Variants in HYDIN observed in about 807,000 individuals in gnomAD.
The protein encoded by HYDIN is axonemal central pair apparatus protein HYDIN.
HYDIN carries 132 observed loss-of-function variants against 403.9 expected under a neutral mutation model. The observed-to-expected ratio is 0.33, with a 90% CI of 0.28 to 0.38. The LOEUF (loss-of-function observed/expected upper bound fraction) is 0.38. Ranked by LOEUF, HYDIN falls within the 10% of genes least tolerant of loss-of-function variation. The pLI, the probability that HYDIN is intolerant of heterozygous loss-of-function variation, is 1.00. For missense variants in HYDIN, 2,827 were observed against 5,009.5 expected (o/e 0.56, Z 13.15); for synonymous variants, 1,202 against 1,891.7 (o/e 0.64, Z 9.46).
chr16:70,902,794 A>AATATATATATATATATAT (rs1264288990), intron 52 of HYDIN, among the ~76,000 whole-genome samples: 5 of 61,138 alleles, frequency 8.2e-5, no homozygotes, highest in African/African-American at 2.1e-4. Flanking sequence ...CTACTCTTTA[A>AATATATATATATATATAT]ATATATATAT....
At chr16:70,821,294 T>C (rs59279247) in intron 83 of HYDIN, among the ~76,000 whole-genome samples, 34 of 152,310 alleles carry the variant, frequency 2.2e-4, no homozygotes, top group African/African-American at 7.9e-4. Context: ...AGCCCCTCTT[T>C]TCTTCTTGCA....
chr16:70,834,021 G>C lies in HYDIN; in HGVS notation c.13545C>G (p.Leu4515=). ...FMECMGLLRP[L]FLLSGCCQAL... is the part of the protein sequence containing the mutation. ...CCTGGCAGCAGCCGCTAAGGAGGAA[G>C]AGGGGGCGCAGGAGCCCCATGCATT... Residue 4515 remains leucine, a synonymous_variant, in exon 79 of 86, where the codon CTC becomes CTG. Transcript: ENST00000393567. 1 of 1,605,558 alleles carries C rather than the reference G, an allele frequency of 6.2e-7. No homozygotes were observed. Among genetic ancestry groups the C allele is most frequent in the African/African-American group, 1.3e-5 (1 of 74,438 alleles).
At position 70,882,578 on chromosome 16, in the gene HYDIN, C is replaced by G. The variant is rs534045836; in HGVS notation, c.10215+82G>C. ...GATAATTTCCACTCACGCATACAGGCTCCAGAGCAGAGGATGCTGAGAGCC... is the reference window on the plus strand; with the variant it reads ...GATAATTTCCACTCACGCATACAGGGTCCAGAGCAGAGGATGCTGAGAGCC... On this transcript the variant is annotated intron_variant, in intron 60 of 85. Transcript: ENST00000393567. 1,488 of 720,948 alleles carry G rather than the reference C, an allele frequency of 2.1e-3. 4 individuals carry two copies. Among genetic ancestry groups the G allele is most frequent in the Non-Finnish European group, 3.0e-3 (1,215 of 404,802 alleles). 44.7% of individuals were successfully genotyped at this position (720,948 alleles called of 1,614,324 possible).
intron 1 of HYDIN, among the ~76,000 whole-genome samples, chr16:71,223,679 G>A (rs1412454214): frequency 1.3e-5 from 2 of 149,422 alleles, no homozygotes; most frequent in African/African-American, 4.9e-5. Context: ...AAAACATGAA[G>A]AGACATTTCT....
intron 18 of HYDIN, among the ~76,000 whole-genome samples, chr16:71,033,595 C>A (rs1384626043): frequency 1.3e-5 from 2 of 149,240 alleles, no homozygotes; most frequent in Non-Finnish European, 3.0e-5. Flanking sequence ...CACATGGACA[C>A]AGGGAGGGGA....
Position 71,230,663 on chromosome 16 carries a change from G to T in HYDIN, c.-125C>A. The T allele has an allele frequency of 3.9e-6, 6 of 1,536,074 alleles. No individual in the cohort carries two copies. Among genetic ancestry groups the T allele is most frequent in the Non-Finnish European group, 4.4e-6 (5 of 1,146,888 alleles). On this transcript the variant is annotated 5_prime_UTR_variant, in exon 1 of 86. In the 5' UTR this introduces an upstream ATG that the reference lacks. Transcript: ENST00000393567. The stretch of plus-strand genomic sequence containing the variant: ...CCGCCGCTGAGGGGCTCCATACCCA[G>T]CTTGAAGCCGCCCGCACTCTCCATG...
Position 71,031,697 on chromosome 16 carries a change from T to C in HYDIN, c.2750A>G (p.Asn917Ser), listed in dbSNP as rs779147589. The change falls in exon 19 of 86, where the codon AAT becomes AGT. Residue 917 changes from asparagine (N) to serine (S), a missense_variant. Asn to Ser is a conservative substitution (Grantham distance 46, BLOSUM62 1). Coordinates refer to ENST00000393567, the MANE Select transcript of HYDIN (RefSeq NM_001270974.2). ...VSDKPFAPEL[N>S]LGAHFSLDTH... ...TCCTTACCTAAAATGTGCCCCCAAA[T>C]TGAGTTCTGGAGCAAAGGGCTTATC... 4.4e-6 allele frequency: 7 copies of C among 1,591,928 alleles called. 1 individual carries two copies. The highest frequency in any genetic ancestry group is 3.4e-4 in the Middle Eastern group (2 of 5,826).
intron 5 of HYDIN, among the ~76,000 whole-genome samples, chr16:71,169,339 G>A (rs779547536): frequency 3.9e-5 from 6 of 152,090 alleles, no homozygotes; most frequent in Non-Finnish European, 5.9e-5. Flanking sequence ...AGGCTGAGGT[G>A]GGAGGATTGT....
At position 70,902,883 on chromosome 16, in the gene HYDIN, T is replaced by A. The variant is rs1330788920; in HGVS notation, c.8849+742A>T. ...CCTTCTGGGATTCCAATCACAAATA[T>A]GTTAGTTAGACTGCTTGATGTTGTC... On this transcript the variant is annotated intron_variant, in intron 52 of 85. Coordinates refer to ENST00000393567, the MANE Select transcript of HYDIN (RefSeq NM_001270974.2). Among the ~76,000 whole-genome samples the A allele has an allele frequency of 1.9e-4, 27 of 143,820 alleles. 1 individual carries two copies. In the Admixed American group the frequency reaches 1.9e-3, roughly 10 times the overall value. 94.4% of individuals were successfully genotyped at this position (143,820 alleles called of 152,430 possible).
rs970230278 is a variant in HYDIN at position 71,226,798 on chromosome 16, G to A, written c.-24+3764C>T. On this transcript the variant is annotated intron_variant, in intron 1 of 85. Coordinates refer to ENST00000393567, the MANE Select transcript of HYDIN (RefSeq NM_001270974.2). ...AGGAACTGAAACTCACCAGATCACCGCATCCAGACAGTGAGAGACCAGATT... is the reference window on the plus strand; with the variant it reads ...AGGAACTGAAACTCACCAGATCACCACATCCAGACAGTGAGAGACCAGATT... 2.4e-4 allele frequency among the ~76,000 whole-genome samples: 36 copies of A among 152,202 alleles called. 1 individual carries two copies. Among genetic ancestry groups the A allele is most frequent in the Non-Finnish European group, 4.0e-4 (27 of 68,000 alleles).
At chr16:70,823,434 C>G (rs1277642375) in intron 83 of HYDIN, among the ~76,000 whole-genome samples, 2 of 64,610 alleles carry the variant, frequency 3.1e-5, no homozygotes, top group African/African-American at 1.3e-4. Context: ...CCCTGTAGAA[C>G]TTGCAGGTGC....
At chr16:70,984,758 A>G (rs1362504386) in intron 28 of HYDIN, among the ~76,000 whole-genome samples, 3 of 146,580 alleles carry the variant, frequency 2.0e-5, no homozygotes, top group Non-Finnish European at 4.5e-5. Flanking sequence ...GTAGATCAAC[A>G]TAATATGAAC....
At chr16:71,188,411 T>G (rs2087259510) in intron 1 of HYDIN, among the ~76,000 whole-genome samples, 1 of 152,220 alleles carries the variant, frequency 6.6e-6, no homozygotes, top group African/African-American at 2.4e-5. Flanking sequence ...AAATTTTGGT[T>G]GGGGAGCCCA....
chr16:71,000,482 A>C (rs1359702162), intron 23 of HYDIN, among the ~76,000 whole-genome samples: 1 of 150,234 alleles, frequency 6.7e-6, no homozygotes, highest in East Asian at 1.9e-4. Flanking sequence ...AATTGCAAAT[A>C]GAAGTAGACT....
At chr16:71,074,723 A>AG (rs1439938758) in intron 13 of HYDIN, among the ~76,000 whole-genome samples, 130 of 151,322 alleles carry the variant, frequency 8.6e-4, no homozygotes, top group African/African-American at 2.8e-3. Flanking sequence ...AAAAAAAAAA[A>AG]AAAAAGAAAA....
chr16:71,099,831 G>A (rs368277586), intron 10 of HYDIN, among the ~76,000 whole-genome samples: 23 of 151,422 alleles, frequency 1.5e-4, no homozygotes, highest in African/African-American at 4.1e-4. Flanking sequence ...GCAAGACCTC[G>A]TCTCTACAAC....
Position 70,882,653 on chromosome 16 carries a change from G to A in HYDIN, c.10215+7C>T, listed in dbSNP as rs9932260. 5,764 of 1,512,958 alleles carry A rather than the reference G, an allele frequency of 3.8e-3. 162 individuals carry two copies. The African/African-American group carries it at 0.067, about 18-fold the overall frequency. 93.7% of individuals were successfully genotyped at this position (1,512,958 alleles called of 1,614,324 possible). A position where few individuals can be genotyped will look rare whatever the true frequency, so the allele number is the denominator to read the frequency against. On this transcript the variant is annotated splice_region_variant and intron_variant, in intron 60 of 85. Coordinates refer to ENST00000393567, the MANE Select transcript of HYDIN (RefSeq NM_001270974.2). ...CGCTGGGCCAGGGGCCATTGGGAGCGTCTTACCTTATTGGAGATAGGCCTG... is the reference window on the plus strand; with the variant it reads ...CGCTGGGCCAGGGGCCATTGGGAGCATCTTACCTTATTGGAGATAGGCCTG...
chr16:71,040,483 C>T (rs1234562399), intron 18 of HYDIN, among the ~76,000 whole-genome samples: 5 of 146,380 alleles, frequency 3.4e-5, no homozygotes, highest in African/African-American at 1.0e-4. Flanking sequence ...CCCCCCCTCC[C>T]CGCACCCCCC....
intron 23 of HYDIN, among the ~76,000 whole-genome samples, chr16:71,012,099 C>T (rs559254190): frequency 1.1e-3 from 163 of 152,390 alleles, no homozygotes; most frequent in African/African-American, 3.6e-3. Flanking sequence ...GGCTCCCTGA[C>T]GGTTGGCTCT....
Sources: gnomAD v4.1 joint callset for allele counts (sites outside exome capture counted in the v4.1 genomes callset) on GRCh38, gnomAD v4.1.1 for gene constraint, MANE v1.5 for transcripts, NCBI Gene and HGNC (gene_info 2026-07-23, HGNC 2026-07-21) for gene names.